FER1L6: variants seen among roughly 807,000 people sequenced by gnomAD.
FER1L6 encodes fer-1 like family member 6.
A neutral mutation model predicts 219.2 loss-of-function variants in FER1L6; 177 were observed. The observed-to-expected ratio is 0.81, with a 90% CI of 0.71 to 0.91. The LOEUF (loss-of-function observed/expected upper bound fraction) is 0.91. Among genes scored for constraint, FER1L6 ranks in the 40% least tolerant of loss-of-function variants. FER1L6 has a pLI of 0.00. For missense variants in FER1L6, 2,153 were observed against 2,259.9 expected, an observed-to-expected ratio of 0.95 and a Z score of 0.96; for synonymous variants, 768 against 824.3, an observed-to-expected ratio of 0.93 and a Z score of 1.17.
intron 20 of FER1L6, among the ~76,000 whole-genome samples, chr8:124,043,191 T>G (rs571969347): frequency 5.3e-4 from 80 of 152,282 alleles, no homozygotes; most frequent in African/African-American, 1.8e-3. Flanking sequence ...CAAGCAATTA[T>G]TGAGCACCTG....
chr8:123,961,741 G>A (rs572389076), intron 2 of FER1L6, among the ~76,000 whole-genome samples: 1 of 152,222 alleles, frequency 6.6e-6, no homozygotes, highest in South Asian at 2.1e-4. Context: ...ACCTTGGGGT[G>A]GAGACTTGAT....
chr8:124,055,750 A>G (rs1044923999), intron 22 of FER1L6, among the ~76,000 whole-genome samples: 2 of 152,158 alleles, frequency 1.3e-5, no homozygotes, highest in African/African-American at 2.4e-5. Flanking sequence ...GTGGCTTAAG[A>G]CAACCCAATT....
intron 18 of FER1L6, 79 bp downstream of exon 18, chr8:124,023,675 A>C: frequency 6.8e-7 from 1 of 1,478,900 alleles, no homozygotes; most frequent in South Asian, 1.3e-5. Context: ...GTGTGTGTCC[A>C]TGGCTCTGAC....
Position 123,976,027 on chromosome 8 carries a change from G to C in FER1L6, c.813G>C (p.Val271=). 6.2e-7 allele frequency: 1 copy of C among 1,614,032 alleles called. No individual in the cohort carries two copies. Among genetic ancestry groups the C allele is most frequent in the Non-Finnish European group, 8.5e-7 (1 of 1,179,974 alleles). Residue 271 remains valine, a synonymous_variant, in exon 9 of 41, where the codon GTG becomes GTC. Transcript: ENST00000522917. ...TGGCGAACGTCACCAAGGCATTTGTGGGTGACAGTAAGGACCTGGTGGATC... is the reference window on the plus strand; with the variant it reads ...TGGCGAACGTCACCAAGGCATTTGTCGGTGACAGTAAGGACCTGGTGGATC... ...SIMANVTKAF[V]GDSKDLVDPF... is the part of the protein sequence containing the mutation.
At chr8:124,076,694 T>G (rs1821308359) in intron 32 of FER1L6, among the ~76,000 whole-genome samples, 1 of 152,240 alleles carries the variant, frequency 6.6e-6, no homozygotes, top group South Asian at 2.1e-4. Flanking sequence ...GATTCGGCCT[T>G]GTGCTTTTGA....
intron 10 of FER1L6, among the ~76,000 whole-genome samples, chr8:123,978,449 G>C (rs73326385): frequency 2.8e-4 from 42 of 152,204 alleles, no homozygotes; most frequent in African/African-American, 9.1e-4. Flanking sequence ...TGGAGGTCAG[G>C]TAAAAGAATT....
chr8:124,119,897 G>C lies in FER1L6; in HGVS notation c.*107G>C. ...ATGGCACTGTGCTGAGTGCTAAGGG[G>C]ACAGATCAACCCTTCTTGGAAGAGA... On this transcript the variant is annotated 3_prime_UTR_variant, in exon 41 of 41. Coordinates refer to ENST00000522917, the MANE Select transcript of FER1L6 (RefSeq NM_001039112.2). The C allele has an allele frequency of 6.0e-6, 7 of 1,160,912 alleles. No homozygotes were observed. The highest frequency in any genetic ancestry group is 8.4e-6 in the Non-Finnish European group (7 of 833,282). The allele number at this position is 1,160,912 out of a possible 1,614,324, so 71.9% of individuals were successfully genotyped here. A position where few individuals can be genotyped will look rare whatever the true frequency, so the allele number is the denominator to read the frequency against.
chr8:123,995,364 C>T (rs1379148607), intron 12 of FER1L6, among the ~76,000 whole-genome samples: 3 of 152,238 alleles, frequency 2.0e-5, no homozygotes, highest in Non-Finnish European at 4.4e-5. Context: ...TATTACTGGC[C>T]AGTTCAGGTT....
At chr8:123,959,068 G>A (rs746443898) in intron 2 of FER1L6, among the ~76,000 whole-genome samples, 60 of 152,138 alleles carry the variant, frequency 3.9e-4, no homozygotes, top group Non-Finnish European at 7.3e-4. Context: ...CCATTGAGGC[G>A]TTTTAAGAAA....
At chr8:123,916,280 G>A (rs530300527) in intron 1 of FER1L6, among the ~76,000 whole-genome samples, 1 of 152,344 alleles carries the variant, frequency 6.6e-6, no homozygotes, top group Admixed American at 6.5e-5. Context: ...ATCAGGGTCA[G>A]TCTTACTGTC....
At chr8:123,901,043 TTCTC>T (rs1285411658) in intron 1 of FER1L6, among the ~76,000 whole-genome samples, 1 of 152,208 alleles carries the variant, frequency 6.6e-6, no homozygotes, top group African/African-American at 2.4e-5. Context: ...GGTTACTTCT[TTCTC>T]TATCTTGTGG....
rs1816561213 is a variant in FER1L6 at position 123,853,460 on chromosome 8, TAGA to T, written c.-8+1280_-8+1282del. On this transcript the variant is annotated intron_variant, in intron 1 of 40. Coordinates refer to ENST00000522917, the MANE Select transcript of FER1L6 (RefSeq NM_001039112.2). This position sits in a 1 kb window ranked among gnomAD's most constrained non-coding sequence, Gnocchi z 6.6. ...GTGAGCCACCGTACCCGGCCTAAAA[TAGA>T]AGAAATCATTTTTATTCAACAGTTC... Among the ~76,000 whole-genome samples, 1 of 152,200 alleles carries T rather than the reference TAGA, an allele frequency of 6.6e-6. No individual in the cohort carries two copies.
At chr8:123,956,221 A>G in intron 2 of FER1L6, 147 bp downstream of exon 2, 2 of 754,388 alleles carry the variant, frequency 2.7e-6, no homozygotes, top group Non-Finnish European at 4.4e-6. Flanking sequence ...TTCTAGTCAC[A>G]GGTGTGGGCC....
chr8:123,879,429 C>T (rs1283367600), intron 1 of FER1L6, among the ~76,000 whole-genome samples: 3 of 152,004 alleles, frequency 2.0e-5, no homozygotes, highest in Admixed American at 6.5e-5. Flanking sequence ...CAGGTTCAAG[C>T]GATTCTCCTG....
chr8:124,035,314 C>A lies in FER1L6; in HGVS notation c.2324C>A (p.Ala775Glu). The change falls in exon 19 of 41, where the codon GCA becomes GAA. Residue 775 changes from alanine (A) to glutamate (E), a missense_variant. Physicochemically the swap from Ala to Glu is moderately radical, Grantham distance 107. Transcript: ENST00000522917. Reference sequence around the variant, plus strand: ...CGACCGGCTGGTTGGTCTGTGCAAGCAAAAGTCGACGTGTACCTGTGGCTG... The same window carrying A: ...CGACCGGCTGGTTGGTCTGTGCAAGAAAAAGTCGACGTGTACCTGTGGCTG... ...GKRPAGWSVQ[A>E]KVDVYLWLGS... is the part of the protein sequence containing the mutation. 6.2e-7 allele frequency: 1 copy of A among 1,614,106 alleles called. No individual in the cohort carries two copies. The highest frequency in any genetic ancestry group is 2.2e-5 in the East Asian group (1 of 44,882).
In FER1L6 at chr8:123,988,534, T is replaced by C. The variant is rs995355691; in HGVS notation, c.1519+2358T>C. On this transcript the variant is annotated intron_variant, in intron 12 of 40. Transcript: ENST00000522917. ...TTTTATAGTTTTCGTTGTGGAGATC[T>C]TTCACTTCTTTGATTAAGTTTATTC... Among the ~76,000 whole-genome samples, 5 of 152,312 alleles carry C rather than the reference T, an allele frequency of 3.3e-5. No homozygotes were observed. In the East Asian group the frequency reaches 9.6e-4, roughly 29 times the overall value.
At chr8:123,873,504 G>T (rs74470804) in intron 1 of FER1L6, among the ~76,000 whole-genome samples, 1 of 152,006 alleles carries the variant, frequency 6.6e-6, no homozygotes, top group African/African-American at 2.4e-5. Context: ...ACTTTGAAGC[G>T]GAAAAGTTTT....
intron 28 of FER1L6, among the ~76,000 whole-genome samples, chr8:124,068,694 G>A (rs1294473252): frequency 6.6e-6 from 1 of 152,090 alleles, no homozygotes; most frequent in East Asian, 1.9e-4. Flanking sequence ...TTGGGTGAAT[G>A]GGCAAATTAT....
At position 123,853,387 on chromosome 8, in the gene FER1L6, T is replaced by C. The variant is rs1174589422; in HGVS notation, c.-8+1202T>C. ...CCAGGATGGTCTCAAACTTCTGACC[T>C]CAAACGATCCACCCACCTCAGCCTC... is the stretch of plus-strand genomic sequence containing the variant. On this transcript the variant is annotated intron_variant, in intron 1 of 40. Coordinates refer to ENST00000522917, the MANE Select transcript of FER1L6 (RefSeq NM_001039112.2). This position sits in a 1 kb window ranked among gnomAD's most constrained non-coding sequence, Gnocchi z 6.6. 3.9e-5 allele frequency among the ~76,000 whole-genome samples: 6 copies of C among 152,120 alleles called. No homozygotes were observed. The highest frequency in any genetic ancestry group is 8.8e-5 in the Non-Finnish European group (6 of 68,028).
Sources: allele counts gnomAD v4.1 joint callset (sites outside exome capture counted in the v4.1 genomes callset), GRCh38; gene constraint gnomAD v4.1.1; non-coding constraint Gnocchi (gnomAD v3.1); transcripts MANE v1.5; gene names NCBI Gene and HGNC (gene_info 2026-07-23, HGNC 2026-07-21).